ZNF569: variants seen among roughly 807,000 people sequenced by gnomAD.
ZNF569 encodes the protein DNA-binding protein.
In ZNF569, 38 loss-of-function variants were observed where a neutral mutation model predicts 56.3. The ratio of observed to expected loss-of-function variants is 0.68; its 90% CI spans 0.52 to 0.88. The LOEUF (loss-of-function observed/expected upper bound fraction) is 0.88. Ranked by LOEUF, ZNF569 falls within the 40% of genes least tolerant of loss-of-function variation. The probability of loss-of-function intolerance (pLI) is 0.00; values close to 1 mark genes in which losing one functional copy is unlikely to be tolerated. For missense variants in ZNF569, 666 were observed against 809.2 expected (o/e 0.82, Z 2.15); for synonymous variants, 241 against 262.9 (o/e 0.92, Z 0.81).
chr19:37,441,733 G>A (rs760248991), intron 3 of ZNF569, among the ~76,000 whole-genome samples: 25 of 151,902 alleles, frequency 1.6e-4, no homozygotes, highest in Non-Finnish European at 3.4e-4. Flanking sequence ...TCTAGAGAAT[G>A]ACAGATTCAG....
In ZNF569 at chr19:37,412,190, T is replaced by C. The variant is rs2040849655; in HGVS notation, c.*407A>G. 1 of 156,834 alleles carries C rather than the reference T, an allele frequency of 6.4e-6. No homozygotes were observed. Among genetic ancestry groups the C allele is most frequent in the Non-Finnish European group, 1.4e-5 (1 of 71,164 alleles). The allele number at this position is 156,834 out of a possible 1,614,324, so 9.7% of individuals were successfully genotyped here. A position where few individuals can be genotyped will look rare whatever the true frequency, so the allele number is the denominator to read the frequency against. ...TATAACTTGATAAAGACCTAACTCA[T>C]TGTTGTGTTTATTCTTAGGTTTTCT... On this transcript the variant is annotated 3_prime_UTR_variant, in exon 6 of 6. Coordinates refer to ENST00000316950, the MANE Select transcript of ZNF569 (RefSeq NM_152484.3).
At chr19:37,456,809 A>G (rs1274615279) in intron 2 of ZNF569, among the ~76,000 whole-genome samples, 3 of 152,006 alleles carry the variant, frequency 2.0e-5, no homozygotes, top group African/African-American at 7.2e-5. Flanking sequence ...TCTCCTAAAA[A>G]TACAAAAAAT....
intron 2 of ZNF569, among the ~76,000 whole-genome samples, chr19:37,447,478 G>T (rs2041517030): frequency 6.6e-6 from 1 of 152,146 alleles, no homozygotes; most frequent in African/African-American, 2.4e-5. Flanking sequence ...TAATTTAACT[G>T]TACTACAGAA....
chr19:37,414,408 C>G lies in ZNF569; in HGVS notation c.250G>C (p.Gly84Arg). 1 of 1,577,486 alleles carries G rather than the reference C, an allele frequency of 6.3e-7. No homozygotes were observed. Among genetic ancestry groups the G allele is most frequent in the East Asian group, 2.2e-5 (1 of 44,520 alleles). Residue 84 changes from glycine (G) to arginine (R), a missense_variant, in exon 6 of 6, where the codon GGA (glycine) becomes CGA (arginine). Transcript: ENST00000316950. ...LRRHWQGEIW[G>R]VDEHQKNQDR... ...TGGTTTTTCTGATGCTCATCAACTC[C>G]CCATATTTCTCCTAAAACAGATTGC... is the stretch of plus-strand genomic sequence containing the variant.
Position 37,414,299 on chromosome 19 carries a change from G to C in ZNF569, c.359C>G (p.Ala120Gly), listed in dbSNP as rs1372989970. Residue 120 changes from alanine (A) to glycine (G), a missense_variant, in exon 6 of 6, where the codon GCA becomes GGA. By Grantham distance (60) the Ala-to-Gly change is moderately conservative. Transcript: ENST00000316950. ...EKGNECQKKF[A>G]NVFPLNSDFF... ...ATCAGAGTTCAGAGGAAATACATTT[G>C]CAAATTTCTTTTGACATTCATTGCC... 2 of 1,613,536 alleles carry C rather than the reference G, an allele frequency of 1.2e-6. No homozygotes were observed.
intron 5 of ZNF569, among the ~76,000 whole-genome samples, chr19:37,417,027 C>T (rs377152929): frequency 2.0e-5 from 3 of 152,060 alleles, no homozygotes; most frequent in Admixed American, 6.5e-5. Flanking sequence ...CCATGCGATA[C>T]GACTCGTGTT....
rs2040835386 is a variant in ZNF569, at chr19:37,411,166, A to G, written c.*1431T>C. 1 of 152,124 alleles carries G rather than the reference A, an allele frequency of 6.6e-6. No homozygotes were observed. Among genetic ancestry groups the G allele is most frequent in the African/African-American group, 2.4e-5 (1 of 41,424 alleles). 9.4% of individuals were successfully genotyped at this position (152,124 alleles called of 1,614,324 possible). The stretch of plus-strand genomic sequence containing the variant: ...TGTCACCACTGTCATATTTGCTTTC[A>G]CTCTTTTATTAAAGAAATATTACAG... On this transcript the variant is annotated 3_prime_UTR_variant, in exon 6 of 6. Transcript: ENST00000316950.
At position 37,413,997 on chromosome 19, in the gene ZNF569, T is replaced by C. The variant is rs1600285269; in HGVS notation, c.661A>G (p.Lys221Glu). The C allele has an allele frequency of 6.2e-7, 1 of 1,613,700 alleles. No individual in the cohort carries two copies. Among genetic ancestry groups the C allele is most frequent in the South Asian group, 1.1e-5 (1 of 91,082 alleles). Residue 221 changes from lysine (K) to glutamate (E), a missense_variant, in exon 6 of 6, where the codon AAA becomes GAA. Physicochemically the swap from Lys to Glu is moderately conservative, Grantham distance 56 (BLOSUM62 1). Coordinates refer to ENST00000316950, the MANE Select transcript of ZNF569 (RefSeq NM_152484.3). ...AGTTTTTCCTTGTGACTGAAGGCTT[T>C]TCTACAGTTACTACATTCATAGGGC... is the stretch of plus-strand genomic sequence containing the variant. ...EKPYECSNCR[K>E]AFSHKEKLIK...
chr19:37,435,122 A>C (rs1040426804), intron 3 of ZNF569, among the ~76,000 whole-genome samples: 1 of 152,200 alleles, frequency 6.6e-6, no homozygotes, highest in Non-Finnish European at 1.5e-5. Context: ...ACTCCATCTC[A>C]AAAATAAATA....
rs1309602900 is a variant in ZNF569, at chr19:37,414,243, A to G, written c.415T>C (p.Tyr139His). The change falls in exon 6 of 6, where the codon TAT (tyrosine) becomes CAT (histidine). Residue 139 changes from tyrosine to histidine, a missense_variant. Coordinates refer to ENST00000316950, the MANE Select transcript of ZNF569 (RefSeq NM_152484.3). The stretch of plus-strand genomic sequence containing the variant: ...TCTAAACACTTTCCAAATAAGTCAT[A>G]CTCATAGAGATTGTGTCTGGAAGGG... ...FFPSRHNLYE[Y>H]DLFGKCLEHN... 3.1e-6 allele frequency: 5 copies of G among 1,613,366 alleles called. No homozygotes were observed. Among genetic ancestry groups the G allele is most frequent in the Non-Finnish European group, 4.2e-6 (5 of 1,179,760 alleles).
chr19:37,427,064 T>G lies in ZNF569; in HGVS notation c.16-686A>C, dbSNP rs138206571. ...GGTATTACATGGCTCATGCCTGTAA[T>G]CCCAGCACTTTAGGAGACTGAGACG... On this transcript the variant is annotated intron_variant, in intron 3 of 5. Coordinates refer to ENST00000316950, the MANE Select transcript of ZNF569 (RefSeq NM_152484.3). 5.1e-3 allele frequency among the ~76,000 whole-genome samples: 779 copies of G among 152,286 alleles called. 9 individuals carry two copies. Among genetic ancestry groups the G allele is most frequent in the African/African-American group, 0.017 (690 of 41,546 alleles).
chr19:37,451,527 G>A (rs2041593646), intron 2 of ZNF569, among the ~76,000 whole-genome samples: 1 of 151,970 alleles, frequency 6.6e-6, no homozygotes, highest in Non-Finnish European at 1.5e-5. Flanking sequence ...GACAGAAAGT[G>A]GGGTATTAAA....
At chr19:37,415,821 G>A (rs763604931) in intron 5 of ZNF569, among the ~76,000 whole-genome samples, 80 of 151,268 alleles carry the variant, frequency 5.3e-4, no homozygotes, top group Non-Finnish European at 9.0e-4. Flanking sequence ...TAGAGGTTGC[G>A]GTGAGCCAAG....
At chr19:37,431,184 G>A (rs948510376) in intron 3 of ZNF569, among the ~76,000 whole-genome samples, 25 of 152,132 alleles carry the variant, frequency 1.6e-4, no homozygotes, top group African/African-American at 6.0e-4. Context: ...GTGGACTAGG[G>A]GGTCATGGGA....
At chr19:37,443,034 G>A (rs7255407) in intron 3 of ZNF569, among the ~76,000 whole-genome samples, 41,354 of 152,130 alleles carry the variant, frequency 0.27, 7,034 homozygotes, top group African/African-American at 0.47. Flanking sequence ...GGAAGAAACT[G>A]GAGATATATA....
At chr19:37,442,507 C>G (rs1428485701) in intron 3 of ZNF569, among the ~76,000 whole-genome samples, 1 of 151,974 alleles carries the variant, frequency 6.6e-6, no homozygotes, top group Non-Finnish European at 1.5e-5. Flanking sequence ...GGACGTTATT[C>G]CACATGTAAA....
chr19:37,464,737 T>G (rs148934138), intron 2 of ZNF569, among the ~76,000 whole-genome samples: 4 of 152,316 alleles, frequency 2.6e-5, no homozygotes, highest in African/African-American at 9.6e-5. Context: ...TTTTTCAGAA[T>G]GTATCCCCAT....
chr19:37,425,318 ATTTTTTTT>A (rs770808954), intron 5 of ZNF569, among the ~76,000 whole-genome samples: 6 of 104,148 alleles, frequency 5.8e-5, no homozygotes. Flanking sequence ...CACGTGGCTA[ATTTTTTTT>A]TTTTTTTTTT....
intron 5 of ZNF569, among the ~76,000 whole-genome samples, chr19:37,424,838 A>AC (rs2041098649): frequency 6.7e-6 from 1 of 149,986 alleles, no homozygotes; most frequent in Non-Finnish European, 1.5e-5. Flanking sequence ...AAAAAAAAAA[A>AC]AGCCGGGCAT....
Sources: gnomAD v4.1 joint callset for allele counts (sites outside exome capture counted in the v4.1 genomes callset) on GRCh38, gnomAD v4.1.1 for gene constraint, MANE v1.5 for transcripts, NCBI Gene and HGNC (gene_info 2026-07-23, HGNC 2026-07-21) for gene names.